The following DNM3 variants were observed in gnomAD, a reference collection of about 807,000 sequenced individuals.
DNM3 encodes the protein dynamin-3.
In DNM3, 47 loss-of-function variants were observed where a neutral mutation model predicts 101.6. The observed-to-expected ratio is 0.46, with a 90% CI of 0.37 to 0.59. The LOEUF (loss-of-function observed/expected upper bound fraction) is 0.59, where lower values mean the gene tolerates loss of function less well. Among genes scored for constraint, DNM3 ranks in the 20% least tolerant of loss-of-function variants. The probability of loss-of-function intolerance (pLI) is 0.00; values close to 1 mark genes in which losing one functional copy is unlikely to be tolerated. For synonymous variants in DNM3, 385 were observed against 387.9 expected (o/e 0.99, Z 0.09); for missense variants, 849 against 1,085.7 (o/e 0.78, Z 3.06).
At chr1:172,099,594 G>T (rs1367694741) in intron 13 of DNM3, among the ~76,000 whole-genome samples, 1 of 152,018 alleles carries the variant, frequency 6.6e-6, no homozygotes, top group East Asian at 1.9e-4. Flanking sequence ...AAAAAAAGAT[G>T]ATGTTGACTG....
At chr1:171,984,371 A>C (rs76560907) in intron 2 of DNM3, among the ~76,000 whole-genome samples, 14,822 of 152,158 alleles carry the variant, frequency 0.097, 920 homozygotes, top group South Asian at 0.14. Flanking sequence ...GCCTGTCCAC[A>C]GCACTGGCCT....
At chr1:172,078,563 T>C (rs2052871335) in intron 11 of DNM3, among the ~76,000 whole-genome samples, 1 of 152,220 alleles carries the variant, frequency 6.6e-6, no homozygotes, top group Non-Finnish European at 1.5e-5. Context: ...TGATGGGTCT[T>C]GACTCTTTAT....
intron 14 of DNM3, among the ~76,000 whole-genome samples, chr1:172,178,258 G>A (rs1282809258): frequency 1.3e-5 from 2 of 151,874 alleles, no homozygotes; most frequent in African/African-American, 4.8e-5. Context: ...GCATATGGCT[G>A]TAATAAGAAG....
At chr1:172,183,887 C>A (rs2059433894) in intron 14 of DNM3, among the ~76,000 whole-genome samples, 1 of 145,008 alleles carries the variant, frequency 6.9e-6, no homozygotes, top group African/African-American at 2.6e-5. Flanking sequence ...GGATTACAGG[C>A]ATGAGCCAAT....
At chr1:172,098,610 G>A (rs1240397475) in intron 13 of DNM3, among the ~76,000 whole-genome samples, 1 of 152,124 alleles carries the variant, frequency 6.6e-6, no homozygotes. Flanking sequence ...AAATCACAAG[G>A]GTATTGATTG....
At chr1:171,958,809 A>C (rs778947943) in intron 2 of DNM3, among the ~76,000 whole-genome samples, 1 of 152,236 alleles carries the variant, frequency 6.6e-6, no homozygotes, top group Non-Finnish European at 1.5e-5. Flanking sequence ...TACCTATCTT[A>C]TATATCTTTT....
intron 9 of DNM3, among the ~76,000 whole-genome samples, chr1:172,045,035 G>A (rs1027470259): frequency 1.2e-4 from 18 of 151,932 alleles, no homozygotes; most frequent in Non-Finnish European, 1.9e-4. Flanking sequence ...GCTTTCCGGT[G>A]GAAGGGGTGG....
intron 4 of DNM3, among the ~76,000 whole-genome samples, chr1:172,020,441 C>T (rs945170585): frequency 6.6e-5 from 10 of 152,126 alleles, no homozygotes; most frequent in African/African-American, 2.4e-4. Context: ...ACAGAATGGA[C>T]CCCGCGCGGT....
At chr1:171,848,188 C>T (rs866586421) in intron 1 of DNM3, among the ~76,000 whole-genome samples, 1 of 152,144 alleles carries the variant, frequency 6.6e-6, no homozygotes, top group Non-Finnish European at 1.5e-5. Flanking sequence ...CTCCCTCCAA[C>T]CCTCACCCTG....
At chr1:171,930,213 CA>C (rs1307631985) in intron 2 of DNM3, among the ~76,000 whole-genome samples, 4 of 150,082 alleles carry the variant, frequency 2.7e-5, no homozygotes, top group Non-Finnish European at 4.5e-5. Context: ...GAAGTCACCC[CA>C]ACAGCAAAGA....
chr1:171,875,813 C>CTTTTTTTTTTTTTTTTTTTTTTT lies in DNM3; in HGVS notation c.161+34012_161+34013insTTTTTTTTTTTTTTTTTTTTTTT. 1.9e-5 allele frequency among the ~76,000 whole-genome samples: 2 copies of CTTTTTTTTTTTTTTTTTTTTTTT among 104,682 alleles called. 1 individual carries two copies. The highest frequency in any genetic ancestry group is 3.6e-5 in the Non-Finnish European group (2 of 56,004). The allele number at this position is 104,682 out of a possible 152,430, so 68.7% of individuals were successfully genotyped here. ...CAAGTCTAAAAAAAGAGTTGTCTCT[C>CTTTTTTTTTTTTTTTTTTTTTTT]TTTTTTTTTTTTTTTTGAGATGGAG... On this transcript the variant is annotated intron_variant, in intron 1 of 20. Transcript: ENST00000627582.
At chr1:171,909,437 T>TAAA (rs10554706) in intron 1 of DNM3, among the ~76,000 whole-genome samples, 5 of 130,934 alleles carry the variant, frequency 3.8e-5, no homozygotes, top group African/African-American at 8.4e-5. Context: ...GACTCTGTCT[T>TAAA]AAAAAAAAAA....
intron 2 of DNM3, among the ~76,000 whole-genome samples, chr1:171,967,690 C>T (rs781214867): frequency 9.9e-5 from 15 of 152,154 alleles, no homozygotes; most frequent in Admixed American, 3.3e-4. Context: ...ACAGACTTTT[C>T]ATCTGTTCTT....
chr1:172,265,174 A>T (rs2062810785), intron 15 of DNM3, among the ~76,000 whole-genome samples: 2 of 151,962 alleles, frequency 1.3e-5, no homozygotes, highest in Non-Finnish European at 2.9e-5. Context: ...TCAGCTTTCC[A>T]CTATATAAAC....
At chr1:172,110,873 G>A (rs1207558160) in intron 13 of DNM3, among the ~76,000 whole-genome samples, 2 of 152,000 alleles carry the variant, frequency 1.3e-5, no homozygotes, top group Non-Finnish European at 2.9e-5. Context: ...CTGTCTCTAC[G>A]AAAGATACAA....
chr1:172,323,373 C>T (rs369718708), intron 17 of DNM3, 33 bp downstream of exon 17: 22 of 1,598,602 alleles, frequency 1.4e-5, no homozygotes, highest in African/African-American at 9.4e-5. Context: ...GCTCTTCTGT[C>T]CCCCCAGCCC....
At chr1:171,875,191 G>A (rs1410982519) in intron 1 of DNM3, among the ~76,000 whole-genome samples, 1 of 152,162 alleles carries the variant, frequency 6.6e-6, no homozygotes, top group Non-Finnish European at 1.5e-5. Flanking sequence ...GCCCAGTAAT[G>A]GGATTGCTGG....
chr1:172,236,617 A>G (rs1395971574), intron 14 of DNM3, among the ~76,000 whole-genome samples: 1 of 152,050 alleles, frequency 6.6e-6, no homozygotes, highest in Non-Finnish European at 1.5e-5. Flanking sequence ...AAAGGAAAGG[A>G]AAAGGAGGGG....
chr1:171,856,685 G>A (rs2125022566), intron 1 of DNM3, among the ~76,000 whole-genome samples: 1 of 152,108 alleles, frequency 6.6e-6, no homozygotes, highest in Admixed American at 6.6e-5. Flanking sequence ...GGGTGTTGTT[G>A]GTATATAGAA....
Sources: allele counts gnomAD v4.1 joint callset (sites outside exome capture counted in the v4.1 genomes callset), GRCh38; gene constraint gnomAD v4.1.1; transcripts MANE v1.5; gene names NCBI Gene and HGNC (gene_info 2026-07-23, HGNC 2026-07-21).